Variants in DLGAP4 observed in about 807,000 individuals in gnomAD.
DLGAP4 encodes disks large-associated protein 4.
Under a neutral mutation model 86.9 loss-of-function variants are expected in DLGAP4, and 18 were observed. The ratio of observed to expected loss-of-function variants is 0.21; its 90% confidence interval spans 0.14 to 0.31. DLGAP4 has a LOEUF of 0.31. Among genes scored for constraint, DLGAP4 ranks in the 10% least tolerant of loss-of-function variants. The probability of loss-of-function intolerance (pLI) is 1.00; values close to 1 mark genes in which losing one functional copy is unlikely to be tolerated. For missense variants in DLGAP4, 1,085 were observed against 1,362.6 expected (o/e 0.80, Z 3.21); for synonymous variants, 548 against 574.3 (o/e 0.95, Z 0.65).
intron 2 of DLGAP4, among the ~76,000 whole-genome samples, chr20:36,378,365 C>T (rs2031240569): frequency 6.6e-6 from 1 of 152,196 alleles, no homozygotes; most frequent in Admixed American, 6.5e-5. Flanking sequence ...ATACTAGCCA[C>T]TAGTATTATC....
chr20:36,427,738 T>A (rs995537211), intron 2 of DLGAP4, among the ~76,000 whole-genome samples: 3 of 151,662 alleles, frequency 2.0e-5, no homozygotes, highest in African/African-American at 4.9e-5. Flanking sequence ...AGGTCAGGAG[T>A]TCGAGACCAG....
intron 1 of DLGAP4, among the ~76,000 whole-genome samples, chr20:36,332,650 T>G (rs568274278): frequency 6.6e-6 from 1 of 152,094 alleles, no homozygotes; most frequent in East Asian, 1.9e-4. Flanking sequence ...TGTGCCATCT[T>G]GGGTGCCTCA....
At chr20:36,522,828 G>A (rs979619278) in intron 10 of DLGAP4, among the ~76,000 whole-genome samples, 5 of 152,264 alleles carry the variant, frequency 3.3e-5, no homozygotes, top group Middle Eastern at 6.8e-3. Context: ...GGTTGGGGAT[G>A]GGTGGCACTG....
At chr20:36,321,175 G>C (rs1322344492) in intron 1 of DLGAP4, among the ~76,000 whole-genome samples, 2 of 152,226 alleles carry the variant, frequency 1.3e-5, no homozygotes, top group Non-Finnish European at 2.9e-5. Context: ...GGAGGAGGGA[G>C]TGGTCCAAGC....
At chr20:36,417,765 T>G (rs952022317) in intron 2 of DLGAP4, among the ~76,000 whole-genome samples, 9 of 93,430 alleles carry the variant, frequency 9.6e-5, no homozygotes, top group African/African-American at 2.5e-4. Flanking sequence ...GTTTGGTGGG[T>G]TTTTTTGGTT....
chr20:36,505,567 G>A (rs1179550943), intron 10 of DLGAP4, among the ~76,000 whole-genome samples: 3 of 152,084 alleles, frequency 2.0e-5, no homozygotes, highest in Non-Finnish European at 4.4e-5. Flanking sequence ...TTGAGCCCAG[G>A]AGTTCAAGAC....
chr20:36,461,605 G>GGCCCGCCCAGCGCCGCCCGGA (rs2034055568), intron 7 of DLGAP4: 1 of 953,672 alleles, frequency 1.0e-6, no homozygotes, highest in African/African-American at 1.8e-5. Flanking sequence ...GGACGCCCGG[G>GGCCCGCCCAGCGCCGCCCGGA]GCCCGCCCAG....
intron 2 of DLGAP4, among the ~76,000 whole-genome samples, chr20:36,371,743 G>A (rs138918460): frequency 1.3e-4 from 20 of 152,176 alleles, no homozygotes; most frequent in South Asian, 2.1e-4. Context: ...ATAGTGTGTC[G>A]TAGAGGTTTT....
At chr20:36,426,121 A>G (rs1463127073) in intron 2 of DLGAP4, among the ~76,000 whole-genome samples, 1 of 152,256 alleles carries the variant, frequency 6.6e-6, no homozygotes, top group African/African-American at 2.4e-5. Context: ...ACATTATGCT[A>G]CGTGAAATAG....
intron 2 of DLGAP4, among the ~76,000 whole-genome samples, chr20:36,420,486 G>A (rs1286459620): frequency 6.6e-6 from 1 of 152,154 alleles, no homozygotes; most frequent in Non-Finnish European, 1.5e-5. Flanking sequence ...ATGTCCCAAG[G>A]ACAGAATGAA....
At chr20:36,398,189 GT>G (rs1450069417) in intron 2 of DLGAP4, among the ~76,000 whole-genome samples, 1 of 152,242 alleles carries the variant, frequency 6.6e-6, no homozygotes, top group Admixed American at 6.5e-5. Flanking sequence ...ACTTTTCTCT[GT>G]TCTTGATGTC....
intron 1 of DLGAP4, among the ~76,000 whole-genome samples, chr20:36,344,065 T>C (rs548863154): frequency 6.6e-6 from 1 of 151,994 alleles, no homozygotes; most frequent in East Asian, 1.9e-4. Context: ...TGCCGGGAGG[T>C]GGAACTGTGG....
chr20:36,432,662 G>A lies in DLGAP4; in HGVS notation c.945G>A (p.Lys315=), dbSNP rs1456175436. Residue 315 remains lysine (K), a synonymous_variant, in exon 3 of 13, where the codon AAG becomes AAA. Transcript: ENST00000339266. This position sits in a 1 kb window ranked among gnomAD's most constrained non-coding sequence, Gnocchi z 6.5. ...VCQKTSATLD[K]SLLKSKSCHQ... Reference sequence around the variant, plus strand: ...AGAAGACCTCAGCCACCTTGGATAAGAGCCTGCTCAAGTCCAAATCCTGCC... The same window carrying A: ...AGAAGACCTCAGCCACCTTGGATAAAAGCCTGCTCAAGTCCAAATCCTGCC... The A allele has an allele frequency of 1.4e-5, 22 of 1,613,512 alleles. No individual in the cohort carries two copies. The African/African-American group carries it at 2.4e-4, about 18-fold the overall frequency.
chr20:36,329,452 C>G (rs1034764900), intron 1 of DLGAP4, among the ~76,000 whole-genome samples: 1 of 152,196 alleles, frequency 6.6e-6, no homozygotes, highest in Non-Finnish European at 1.5e-5. Flanking sequence ...GTAATGTGTG[C>G]AAGATATTCA....
At chr20:36,460,568 T>C (rs1279263248) in intron 7 of DLGAP4, among the ~76,000 whole-genome samples, 1 of 152,228 alleles carries the variant, frequency 6.6e-6, no homozygotes, top group African/African-American at 2.4e-5. Flanking sequence ...GGAAAGGACT[T>C]GCCTAGGTCA....
chr20:36,488,218 G>A (rs1201498624), intron 7 of DLGAP4, among the ~76,000 whole-genome samples: 2 of 146,292 alleles, frequency 1.4e-5, no homozygotes, highest in South Asian at 2.2e-4. Context: ...AAAAAAAAAA[G>A]CAGTTAGTGC....
chr20:36,379,711 C>T (rs1191593127), intron 2 of DLGAP4, among the ~76,000 whole-genome samples: 1 of 152,164 alleles, frequency 6.6e-6, no homozygotes. Context: ...CTTCGGCATT[C>T]GGCCCAGTGG....
At position 36,477,138 on chromosome 20, in the gene DLGAP4, C is replaced by G. The variant is rs192754560; in HGVS notation, c.1649-19567C>G. Reference sequence around the variant, plus strand: ...TTTTTTAAGACAGAGTCTCTGTCACCCAGCTTGGAGTGCAGTGGCACAATT... The same window carrying G: ...TTTTTTAAGACAGAGTCTCTGTCACGCAGCTTGGAGTGCAGTGGCACAATT... On this transcript the variant is annotated intron_variant, in intron 7 of 12. Coordinates refer to ENST00000339266, the MANE Select transcript of DLGAP4 (RefSeq NM_001365621.2). Among the ~76,000 whole-genome samples the G allele has an allele frequency of 7.9e-5, 12 of 151,494 alleles. No homozygotes were observed. The East Asian group carries it at 1.9e-3, about 25-fold the overall frequency.
intron 7 of DLGAP4, among the ~76,000 whole-genome samples, chr20:36,458,757 C>T (rs1030081285): frequency 4.6e-5 from 7 of 151,934 alleles, no homozygotes; most frequent in African/African-American, 7.3e-5. Context: ...CATGGAGCCA[C>T]GTTTGAGGGG....
Sources: allele counts gnomAD v4.1 joint callset (sites outside exome capture counted in the v4.1 genomes callset), GRCh38; gene constraint gnomAD v4.1.1; non-coding constraint Gnocchi (gnomAD v3.1); transcripts MANE v1.5; gene names NCBI Gene and HGNC (gene_info 2026-07-23, HGNC 2026-07-21).